PCSK2: variants seen among roughly 807,000 people sequenced by gnomAD.
PCSK2 encodes the protein proprotein convertase subtilisin/kexin type 2.
A neutral mutation model predicts 69.7 loss-of-function variants in PCSK2; 14 were observed. The observed-to-expected ratio is 0.20, with a 90% confidence interval of 0.13 to 0.31. The LOEUF is 0.31. Ranked by LOEUF, PCSK2 falls within the 10% of genes least tolerant of loss-of-function variation. The pLI is 1.00. For missense variants in PCSK2, 544 were observed against 842.5 expected (o/e 0.65, Z 4.39); for synonymous variants, 307 against 320.7 (o/e 0.96, Z 0.46).
intron 10 of PCSK2, among the ~76,000 whole-genome samples, chr20:17,459,717 A>G (rs1600597216): frequency 6.6e-6 from 1 of 152,194 alleles, no homozygotes; most frequent in East Asian, 1.9e-4. Flanking sequence ...TACATTCCCA[A>G]GCCTCACCCA....
At chr20:17,311,777 A>C (rs1989520616) in intron 2 of PCSK2, among the ~76,000 whole-genome samples, 1 of 152,160 alleles carries the variant, frequency 6.6e-6, no homozygotes, top group Non-Finnish European at 1.5e-5. Context: ...TGTGAGTTTT[A>C]CAAGACATCA....
chr20:17,483,487 C>A lies in PCSK2; in HGVS notation c.*1417C>A, dbSNP rs1296265952. On this transcript the variant is annotated 3_prime_UTR_variant, in exon 12 of 12. Transcript: ENST00000262545. ...TCCCCAGTCCCAATGCACATCCATT[C>A]CCAAGAAATGCTTTGTCTTCAGCCT... 6.6e-6 allele frequency: 1 copy of A among 152,262 alleles called. No homozygotes were observed. The highest frequency in any genetic ancestry group is 1.5e-5 in the Non-Finnish European group (1 of 68,070). The allele number at this position is 152,262 out of a possible 1,614,324, so 9.4% of individuals were successfully genotyped here. A position where few individuals can be genotyped will look rare whatever the true frequency, so the allele number is the denominator to read the frequency against.
chr20:17,259,937 C>A (rs1987313675), intron 1 of PCSK2, among the ~76,000 whole-genome samples: 1 of 151,918 alleles, frequency 6.6e-6, no homozygotes, highest in East Asian at 1.9e-4. Flanking sequence ...AATGTAAAGG[C>A]AAGGCTCCAT....
intron 1 of PCSK2, among the ~76,000 whole-genome samples, chr20:17,259,512 G>C (rs1290750075): frequency 1.3e-5 from 2 of 152,124 alleles, no homozygotes; most frequent in African/African-American, 4.8e-5. Context: ...CAAACTCCCA[G>C]GTCAAGGCTC....
chr20:17,333,871 T>G (rs1990268049), intron 2 of PCSK2, among the ~76,000 whole-genome samples: 1 of 144,598 alleles, frequency 6.9e-6, no homozygotes. Flanking sequence ...GTCTTCACTG[T>G]GCTATTATTT....
rs558862434 is a variant in PCSK2, at chr20:17,437,712, C to T, written c.885+829C>T. The stretch of plus-strand genomic sequence containing the variant: ...TCTCGACTGCCGCTTAAGCAACCAC[C>T]CCAAAACTTCATAGCACAGAACACA... On this transcript the variant is annotated intron_variant, in intron 8 of 11. Transcript: ENST00000262545. 1.1e-3 allele frequency among the ~76,000 whole-genome samples: 171 copies of T among 152,298 alleles called. 2 individuals are homozygous for T. Among genetic ancestry groups the T allele is most frequent in the Middle Eastern group, 6.8e-3 (2 of 294 alleles).
At chr20:17,430,075 TA>T (rs2032332467) in intron 7 of PCSK2, among the ~76,000 whole-genome samples, 2 of 152,204 alleles carry the variant, frequency 1.3e-5, no homozygotes, top group African/African-American at 4.8e-5. Flanking sequence ...AACTCATCTT[TA>T]AAAAGAGAAA....
chr20:17,474,755 G>A (rs1420759570), intron 11 of PCSK2, among the ~76,000 whole-genome samples: 1 of 152,116 alleles, frequency 6.6e-6, no homozygotes, highest in Non-Finnish European at 1.5e-5. Context: ...CCTCTGCCAT[G>A]CCCTTAATGT....
chr20:17,402,936 G>A (rs2031674923), intron 5 of PCSK2, among the ~76,000 whole-genome samples: 2 of 151,108 alleles, frequency 1.3e-5, no homozygotes, highest in African/African-American at 2.4e-5. Flanking sequence ...CAGCCTGGGC[G>A]ACAGAGCGAG....
intron 1 of PCSK2, among the ~76,000 whole-genome samples, chr20:17,236,261 A>G (rs1259349089): frequency 6.6e-6 from 1 of 152,156 alleles, no homozygotes; most frequent in African/African-American, 2.4e-5. Flanking sequence ...GGAAATTGTT[A>G]AACTTCAGAT....
At position 17,481,617 on chromosome 20, in the gene PCSK2, A is replaced by G. The variant is rs1225571317; in HGVS notation, c.1464A>G (p.Thr488=). ...KIPSTGKLVL[T]LTTDACEGKE... ...CATCCACTGGCAAGTTGGTGCTGAC[A>G]CTCACAACCGACGCCTGTGAGGGGA... The change falls in exon 12 of 12, where the codon ACA becomes ACG. Residue 488 remains threonine (T), a synonymous_variant. Transcript: ENST00000262545. The G allele has an allele frequency of 1.9e-6, 3 of 1,613,594 alleles. No homozygotes were observed. Among genetic ancestry groups the G allele is most frequent in the Admixed American group, 3.3e-5 (2 of 59,994 alleles).
intron 5 of PCSK2, among the ~76,000 whole-genome samples, chr20:17,382,480 T>A (rs2031114233): frequency 1.3e-5 from 2 of 152,116 alleles, no homozygotes; most frequent in Admixed American, 1.3e-4. Flanking sequence ...GTCTCCCACA[T>A]CTTACCAAAT....
chr20:17,227,633 G>A (rs1334493267), intron 1 of PCSK2, 151 bp downstream of exon 1: 38 of 624,488 alleles, frequency 6.1e-5, no homozygotes. Flanking sequence ...TATTGCCTCC[G>A]GTGATCTTTC....
chr20:17,318,809 T>G (rs1989771764), intron 2 of PCSK2, among the ~76,000 whole-genome samples: 1 of 152,216 alleles, frequency 6.6e-6, no homozygotes, highest in Non-Finnish European at 1.5e-5. Flanking sequence ...TTGTCATTTC[T>G]TCAGGGAGAT....
chr20:17,475,923 AC>A (rs2033281781), intron 11 of PCSK2, among the ~76,000 whole-genome samples: 1 of 152,218 alleles, frequency 6.6e-6, no homozygotes, highest in Non-Finnish European at 1.5e-5. Flanking sequence ...CTCAAATTCA[AC>A]ACAGAACTCA....
chr20:17,469,047 G>A (rs888294577), intron 11 of PCSK2, among the ~76,000 whole-genome samples: 8 of 152,202 alleles, frequency 5.3e-5, no homozygotes, highest in Non-Finnish European at 1.5e-5. Context: ...ACACAGAGCT[G>A]CCCAAGTCCC....
chr20:17,477,471 G>A (rs1022268394), intron 11 of PCSK2, among the ~76,000 whole-genome samples: 1 of 152,004 alleles, frequency 6.6e-6, no homozygotes, highest in Non-Finnish European at 1.5e-5. Flanking sequence ...TAAAAAACAA[G>A]TCTGCATATA....
Position 17,314,397 on chromosome 20 carries a change from A to G in PCSK2, c.283-43930A>G, listed in dbSNP as rs1487068035. Among the ~76,000 whole-genome samples the G allele has an allele frequency of 2.6e-5, 4 of 152,198 alleles. No individual in the cohort carries two copies. The East Asian group carries it at 7.7e-4, about 29-fold the overall frequency. ...AAGCCGGGAGGATTTTTCCAAATCT[A>G]CAGGAAGTGAAATTCTTCTGCTCCA... is the stretch of plus-strand genomic sequence containing the variant. On this transcript the variant is annotated intron_variant, in intron 2 of 11. Transcript: ENST00000262545.
At chr20:17,333,207 C>T (rs902383860) in intron 2 of PCSK2, among the ~76,000 whole-genome samples, 2 of 151,798 alleles carry the variant, frequency 1.3e-5, no homozygotes, top group African/African-American at 4.8e-5. Context: ...TTGCATATGT[C>T]GTATGTGTAG....
Sources: gnomAD v4.1 joint callset for allele counts (sites outside exome capture counted in the v4.1 genomes callset) on GRCh38, gnomAD v4.1.1 for gene constraint, MANE v1.5 for transcripts, NCBI Gene and HGNC (gene_info 2026-07-23, HGNC 2026-07-21) for gene names.